Variants in PPP2R2B observed in about 807,000 individuals in gnomAD.
The protein encoded by PPP2R2B is serine/threonine-protein phosphatase 2A 55 kDa regulatory subunit B beta isoform.
A neutral mutation model predicts 46.0 loss-of-function variants in PPP2R2B; 5 were observed. The observed-to-expected ratio is 0.11, with a 90% CI of 0.06 to 0.23. PPP2R2B has a LOEUF of 0.23. PPP2R2B is among the 10% of genes least tolerant of loss of function. PPP2R2B has a pLI of 1.00. For missense variants in PPP2R2B, 367 were observed against 575.0 expected, an observed-to-expected ratio of 0.64 and a Z score of 3.70; for synonymous variants, 215 against 206.7, an observed-to-expected ratio of 1.04 and a Z score of -0.34.
At chr5:146,754,263 G>A (rs1282755193) in intron 2 of PPP2R2B, among the ~76,000 whole-genome samples, 1 of 152,156 alleles carries the variant, frequency 6.6e-6, no homozygotes, top group Admixed American at 6.5e-5. Flanking sequence ...CATGTGCTGA[G>A]GAGTAAGCAA....
At chr5:146,591,673 C>CCAA (rs1554110304) in intron 9 of PPP2R2B, among the ~76,000 whole-genome samples, 21 of 72,582 alleles carry the variant, frequency 2.9e-4, no homozygotes, top group African/African-American at 9.0e-4. Context: ...GATTATTTTC[C>CCAA]AAAAAAAAAA....
intron 2 of PPP2R2B, among the ~76,000 whole-genome samples, chr5:146,805,257 C>G (rs1000089884): frequency 2.6e-5 from 4 of 152,118 alleles, no homozygotes; most frequent in African/African-American, 9.7e-5. Flanking sequence ...ATCTGCAAAC[C>G]TTTCCCTAGA....
intron 2 of PPP2R2B, among the ~76,000 whole-genome samples, chr5:146,714,298 T>C (rs1407641841): frequency 6.6e-6 from 1 of 152,134 alleles, no homozygotes; most frequent in East Asian, 1.9e-4. Context: ...ATAGTTTCTA[T>C]GGGATGGTGG....
intron 2 of PPP2R2B, among the ~76,000 whole-genome samples, chr5:146,853,563 C>T (rs1415223060): frequency 1.3e-5 from 2 of 152,040 alleles, no homozygotes; most frequent in Non-Finnish European, 2.9e-5. Context: ...ATGATGCCTA[C>T]CTCAAAAGGT....
At chr5:147,056,537 A>G (rs1231719680), upstream of PPP2R2B, among the ~76,000 whole-genome samples, 1 of 152,194 alleles carries the variant, frequency 6.6e-6, no homozygotes, top group Admixed American at 6.5e-5. Context: ...CAACGCAAGA[A>G]TAGAGACTAA....
At chr5:147,004,595 C>A (rs1366138153) in intron 1 of PPP2R2B, among the ~76,000 whole-genome samples, 2 of 152,142 alleles carry the variant, frequency 1.3e-5, no homozygotes, top group African/African-American at 4.8e-5. Context: ...TCTTGTTATG[C>A]CTGAAAGTCC....
chr5:146,936,120 G>T (rs891235918), intron 1 of PPP2R2B, among the ~76,000 whole-genome samples: 9 of 152,152 alleles, frequency 5.9e-5, no homozygotes, highest in Non-Finnish European at 1.2e-4. Flanking sequence ...AAGCTCTGCT[G>T]CCATCAGTTT....
intron 1 of PPP2R2B, among the ~76,000 whole-genome samples, chr5:146,993,085 T>A (rs963997401): frequency 1.3e-5 from 2 of 150,110 alleles, no homozygotes; most frequent in Non-Finnish European, 3.0e-5. Context: ...TGGGACCACA[T>A]GTGTGCACCA....
At chr5:146,849,200 G>A (rs755065156) in intron 2 of PPP2R2B, among the ~76,000 whole-genome samples, 4 of 152,126 alleles carry the variant, frequency 2.6e-5, no homozygotes, top group Admixed American at 6.5e-5. Context: ...CTACTGGGAT[G>A]CCATTTCTTT....
At chr5:147,078,518 T>G (rs1256802103) in intron 2 of PPP2R2B, among the ~76,000 whole-genome samples, 1 of 152,136 alleles carries the variant, frequency 6.6e-6, no homozygotes, top group Non-Finnish European at 1.5e-5. Flanking sequence ...CCAGGCGCGG[T>G]GGCTCACGCC....
At chr5:146,628,781 T>C (rs1774229873) in intron 7 of PPP2R2B, among the ~76,000 whole-genome samples, 1 of 152,218 alleles carries the variant, frequency 6.6e-6, no homozygotes, top group Non-Finnish European at 1.5e-5. Context: ...AACTAATTAA[T>C]GGACAAAGAC....
At chr5:146,974,231 C>T (rs762400639) in intron 1 of PPP2R2B, among the ~76,000 whole-genome samples, 3 of 152,226 alleles carry the variant, frequency 2.0e-5, no homozygotes, top group Non-Finnish European at 4.4e-5. Flanking sequence ...GTTTAGTTCA[C>T]ACTACTACTA....
chr5:147,070,591 C>T (rs1029196239), intron 2 of PPP2R2B, among the ~76,000 whole-genome samples: 11 of 152,170 alleles, frequency 7.2e-5, no homozygotes, highest in Admixed American at 2.0e-4. Flanking sequence ...AAGACAAATC[C>T]GTCTAGAGAA....
At position 147,016,008 on chromosome 5, in the gene PPP2R2B, T is replaced by C. The variant is rs972730237; in HGVS notation, c.79+39657A>G. Among the ~76,000 whole-genome samples, 7 of 151,426 alleles carry C rather than the reference T, an allele frequency of 4.6e-5. No individual in the cohort carries two copies. In the Admixed American group the frequency reaches 4.6e-4, roughly 10 times the overall value. ...TACACACACATAGATACTCAGTAAA[T>C]ATGTGTTAAGAGAATTTGAGAACCA... On this transcript the variant is annotated intron_variant, in intron 1 of 8. Transcript: ENST00000336640.
Position 146,730,378 on chromosome 5 carries a change from C to T in PPP2R2B, c.71-29236G>A, listed in dbSNP as rs181965846. Among the ~76,000 whole-genome samples, 684 of 152,188 alleles carry T rather than the reference C, an allele frequency of 4.5e-3. 3 individuals are homozygous for T. The highest frequency in any genetic ancestry group is 9.9e-3 in the Admixed American group (152 of 15,284). On this transcript the variant is annotated intron_variant, in intron 2 of 9. Coordinates refer to ENST00000394411, the MANE Select transcript of PPP2R2B (RefSeq NM_181675.4). ...CTCAGATGAGACTTTGGACTGTGGA[C>T]TTTTGGGTTAATGCTGAAATGAGTT...
chr5:146,882,945 A>C (rs1025755350), upstream of PPP2R2B, among the ~76,000 whole-genome samples: 2 of 151,958 alleles, frequency 1.3e-5, no homozygotes, highest in African/African-American at 4.8e-5. Context: ...TTTTTTAACC[A>C]CCCTTGTCAT....
intron 2 of PPP2R2B, among the ~76,000 whole-genome samples, chr5:146,877,753 A>C (rs1259479705): frequency 6.6e-6 from 1 of 152,052 alleles, no homozygotes; most frequent in African/African-American, 2.4e-5. Context: ...CACCCTGAAA[A>C]AGCCTAATCC....
intron 7 of PPP2R2B, among the ~76,000 whole-genome samples, chr5:146,630,332 A>G (rs1774343133): frequency 6.6e-6 from 1 of 152,140 alleles, no homozygotes; most frequent in Non-Finnish European, 1.5e-5. Context: ...CTTTTTTATC[A>G]TGTCTGAAAT....
chr5:146,887,620 A>G (rs1762370836), intron 1 of PPP2R2B, among the ~76,000 whole-genome samples: 1 of 152,232 alleles, frequency 6.6e-6, no homozygotes, highest in Non-Finnish European at 1.5e-5. Context: ...ATACCATATA[A>G]CAAACTCAGA....
Sources: gnomAD v4.1 joint callset for allele counts (sites outside exome capture counted in the v4.1 genomes callset) on GRCh38, gnomAD v4.1.1 for gene constraint, MANE v1.5 for transcripts, NCBI Gene and HGNC (gene_info 2026-07-23, HGNC 2026-07-21) for gene names.